The following ITGA9 variants were observed in gnomAD, a reference collection of about 807,000 sequenced individuals.
ITGA9 encodes integrin subunit alpha 9.
In ITGA9, 56 loss-of-function variants were observed where a neutral mutation model predicts 127.8. The observed-to-expected ratio is 0.44, with a 90% CI of 0.35 to 0.55. The LOEUF (loss-of-function observed/expected upper bound fraction) is 0.55. ITGA9 is among the 20% of genes least tolerant of loss of function. ITGA9 has a pLI of 0.00. For missense variants in ITGA9, 1,196 were observed against 1,347.1 expected (o/e 0.89, Z 1.76); for synonymous variants, 508 against 514.5 (o/e 0.99, Z 0.17).
intron 1 of ITGA9, among the ~76,000 whole-genome samples, chr3:37,454,370 A>G (rs775729143): frequency 2.6e-5 from 4 of 152,230 alleles, no homozygotes; most frequent in Non-Finnish European, 5.9e-5. Context: ...TAAAACGGGG[A>G]TGAAGAAAAG....
At chr3:37,469,133 C>T (rs936218245) in intron 1 of ITGA9, among the ~76,000 whole-genome samples, 1 of 152,216 alleles carries the variant, frequency 6.6e-6, no homozygotes, top group Non-Finnish European at 1.5e-5. Context: ...TCTGCACTCA[C>T]ACAGGCCCAA....
intron 14 of ITGA9, among the ~76,000 whole-genome samples, chr3:37,538,824 A>C (rs1415586757): frequency 6.6e-6 from 1 of 152,230 alleles, no homozygotes; most frequent in Non-Finnish European, 1.5e-5. Context: ...ATGTAGAAGT[A>C]ATTTCCTTTG....
chr3:37,476,994 AAGGAAACACC>A (rs1698501172), intron 3 of ITGA9, among the ~76,000 whole-genome samples: 1 of 152,220 alleles, frequency 6.6e-6, no homozygotes, highest in Non-Finnish European at 1.5e-5. Context: ...TAAGTGGCTG[AAGGAAACACC>A]AGGAAACATT....
chr3:37,493,248 G>T (rs1013910696), intron 4 of ITGA9, among the ~76,000 whole-genome samples: 13 of 152,322 alleles, frequency 8.5e-5, no homozygotes, highest in African/African-American at 3.1e-4. Context: ...CCCTTGCCTG[G>T]AGTAGACACT....
intron 15 of ITGA9, among the ~76,000 whole-genome samples, chr3:37,587,797 A>G (rs1002637477): frequency 2.0e-5 from 3 of 152,248 alleles, no homozygotes; most frequent in Non-Finnish European, 4.4e-5. Context: ...AAGCTAATTT[A>G]CTTGCCTGGG....
chr3:37,773,427 T>G (rs1696868406), intron 23 of ITGA9, among the ~76,000 whole-genome samples: 1 of 151,966 alleles, frequency 6.6e-6, no homozygotes, highest in East Asian at 1.9e-4. Flanking sequence ...GGCTTTGGAG[T>G]GAAAAAGTGA....
intron 13 of ITGA9, among the ~76,000 whole-genome samples, chr3:37,529,607 A>G (rs2125585104): frequency 6.6e-6 from 1 of 152,340 alleles, no homozygotes. Flanking sequence ...GATTAGGCCA[A>G]GAACGTCTTT....
At chr3:37,500,516 AAATTAACCATAACACGTATTGTTT>A (rs1444712218) in intron 5 of ITGA9, among the ~76,000 whole-genome samples, 1 of 152,162 alleles carries the variant, frequency 6.6e-6, no homozygotes, top group African/African-American at 2.4e-5. Flanking sequence ...GCTCTTCCCC[AAATTAACCATAACACGTATTGTTT>A]AAGGCATTGC....
intron 6 of ITGA9, 34 bp downstream of exon 6, chr3:37,503,341 G>A (rs1374230636): frequency 6.2e-7 from 1 of 1,611,158 alleles, no homozygotes; most frequent in Non-Finnish European, 8.5e-7. Flanking sequence ...GTAAGAAAGG[G>A]GAAATGGGAG....
At chr3:37,550,045 G>T (rs577542757) in intron 15 of ITGA9, among the ~76,000 whole-genome samples, 1 of 152,322 alleles carries the variant, frequency 6.6e-6, no homozygotes, top group African/African-American at 2.4e-5. Flanking sequence ...CTACATGTGA[G>T]ATAGTTACTG....
intron 17 of ITGA9, among the ~76,000 whole-genome samples, chr3:37,668,452 G>C (rs976271345): frequency 6.6e-6 from 1 of 152,166 alleles, no homozygotes. Context: ...GTGACTGGAC[G>C]CAAGGAAAGG....
At chr3:37,520,614 C>T (rs536938895) in intron 11 of ITGA9, among the ~76,000 whole-genome samples, 1 of 152,336 alleles carries the variant, frequency 6.6e-6, no homozygotes, top group South Asian at 2.1e-4. Context: ...GTCTGAGGGG[C>T]ATTTATCTAT....
chr3:37,458,555 C>T (rs553392039), intron 1 of ITGA9, among the ~76,000 whole-genome samples: 1 of 152,328 alleles, frequency 6.6e-6, no homozygotes, highest in African/African-American at 2.4e-5. Context: ...CAGCAGATCC[C>T]AAGAAAGCTG....
Position 37,452,658 on chromosome 3 carries a change from C to A in ITGA9, c.185+99C>A, listed in dbSNP as rs111270886. On this transcript the variant is annotated intron_variant, in intron 1 of 27. Transcript: ENST00000264741. The surrounding 1 kb of genome is among the most constrained non-coding windows in gnomAD (Gnocchi z 7.3). ...GCCTTTCCGGTCTCTTCCACGCCGC[C>A]GTCCCGAGGGGGCGATTTAAATGTC... 3.7e-6 allele frequency: 4 copies of A among 1,092,136 alleles called. No individual in the cohort carries two copies. Among genetic ancestry groups the A allele is most frequent in the Non-Finnish European group, 4.9e-6 (4 of 816,978 alleles). The allele number at this position is 1,092,136 out of a possible 1,614,324, so 67.7% of individuals were successfully genotyped here. A position where few individuals can be genotyped will look rare whatever the true frequency, so the allele number is the denominator to read the frequency against.
At position 37,452,237 on chromosome 3, in the gene ITGA9, G is replaced by A; in HGVS notation, c.-138G>A. ...CCCGCCGTCCGCGCCCCGGTGGCGG[G>A]CCCGACGCCCGCATTCCGCCCGTGT... On this transcript the variant is annotated 5_prime_UTR_variant, in exon 1 of 28. Transcript: ENST00000264741. This position sits in a 1 kb window ranked among gnomAD's most constrained non-coding sequence, Gnocchi z 7.3. The A allele has an allele frequency of 3.3e-6, 1 of 301,172 alleles. No homozygotes were observed. Among genetic ancestry groups the A allele is most frequent in the Non-Finnish European group, 4.9e-6 (1 of 204,854 alleles). 18.7% of individuals were successfully genotyped at this position (301,172 alleles called of 1,614,324 possible). A position where few individuals can be genotyped will look rare whatever the true frequency, so the allele number is the denominator to read the frequency against.
In ITGA9 at chr3:37,503,081, AG is replaced by A. The variant is rs1420335198; in HGVS notation, c.613-95del. The A allele has an allele frequency of 4.2e-6, 6 of 1,428,594 alleles. No individual in the cohort carries two copies. The African/African-American group carries it at 8.6e-5, about 20-fold the overall frequency. The allele number at this position is 1,428,594 out of a possible 1,614,324, so 88.5% of individuals were successfully genotyped here. A position where few individuals can be genotyped will look rare whatever the true frequency, so the allele number is the denominator to read the frequency against. On this transcript the variant is annotated intron_variant, in intron 5 of 27. Coordinates refer to ENST00000264741, the MANE Select transcript of ITGA9 (RefSeq NM_002207.3). The stretch of plus-strand genomic sequence containing the variant: ...TGGGGAAAAAAAAGTTCTTGGTGTG[AG>A]GAATTTCTCCTTTGTTGTGACTGTG...
intron 15 of ITGA9, among the ~76,000 whole-genome samples, chr3:37,616,675 T>C (rs957261082): frequency 3.9e-5 from 6 of 152,244 alleles, no homozygotes; most frequent in Non-Finnish European, 8.8e-5. Flanking sequence ...ATATTTAGGA[T>C]AGTTAGCTCT....
In ITGA9 at chr3:37,455,294, C is replaced by T. The variant is rs59082493; in HGVS notation, c.185+2735C>T. Among the ~76,000 whole-genome samples the T allele has an allele frequency of 9.1e-3, 1,384 of 152,278 alleles. 19 individuals are homozygous for T. The highest frequency in any genetic ancestry group is 0.031 in the African/African-American group (1,301 of 41,528). On this transcript the variant is annotated intron_variant, in intron 1 of 27. Coordinates refer to ENST00000264741, the MANE Select transcript of ITGA9 (RefSeq NM_002207.3). ...AGCAGCAGGGGTAAACAACCTTTAA[C>T]GAAACCCTTGAGGACAATCTTAATT...
intron 5 of ITGA9, among the ~76,000 whole-genome samples, chr3:37,495,614 A>G (rs554251798): frequency 6.6e-5 from 10 of 152,128 alleles, no homozygotes; most frequent in Non-Finnish European, 8.8e-5. Flanking sequence ...TATCACCATC[A>G]TGCTTCTAGA....
Sources: allele counts gnomAD v4.1 joint callset (sites outside exome capture counted in the v4.1 genomes callset), GRCh38; gene constraint gnomAD v4.1.1; non-coding constraint Gnocchi (gnomAD v3.1); transcripts MANE v1.5; gene names NCBI Gene and HGNC (gene_info 2026-07-23, HGNC 2026-07-21).